The following PRKAR2B variants were observed in gnomAD, a reference collection of about 807,000 sequenced individuals.
The protein encoded by PRKAR2B is protein kinase cAMP-dependent type II regulatory subunit beta, also known as cAMP-dependent protein kinase type II-beta regulatory subunit.
PRKAR2B carries 14 observed loss-of-function variants against 49.9 expected under a neutral mutation model. The ratio of observed to expected loss-of-function variants is 0.28; its 90% CI spans 0.19 to 0.44. The LOEUF (loss-of-function observed/expected upper bound fraction) is 0.44, where lower values mean the gene tolerates loss of function less well. Ranked by LOEUF, PRKAR2B falls within the 20% of genes least tolerant of loss-of-function variation. The pLI, the probability that PRKAR2B is intolerant of heterozygous loss-of-function variation, is 1.00. For missense variants in PRKAR2B, 393 were observed against 537.9 expected (o/e 0.73, Z 2.67); for synonymous variants, 196 against 197.7 (o/e 0.99, Z 0.07).
At position 107,054,982 on chromosome 7, in the gene PRKAR2B, G is replaced by C. The variant is rs1053883358; in HGVS notation, c.307+9768G>C. On this transcript the variant is annotated intron_variant, in intron 1 of 10. Transcript: ENST00000265717. Reference sequence around the variant, plus strand: ...CCCCCATCCCCCAACCCCACAACAGGCCCCAGTGTGTGATGTTCCCCTTCC... The same window carrying C: ...CCCCCATCCCCCAACCCCACAACAGCCCCCAGTGTGTGATGTTCCCCTTCC... Among the ~76,000 whole-genome samples, 79 of 151,990 alleles carry C rather than the reference G, an allele frequency of 5.2e-4. 1 individual carries two copies. Among genetic ancestry groups the C allele is most frequent in the Admixed American group, 3.7e-3 (56 of 15,268 alleles).
intron 2 of PRKAR2B, among the ~76,000 whole-genome samples, chr7:107,087,937 C>A (rs1351217828): frequency 6.6e-6 from 1 of 151,104 alleles, no homozygotes; most frequent in African/African-American, 2.4e-5. Flanking sequence ...TCCTCAGGAA[C>A]CTACAGTCTC....
intron 2 of PRKAR2B, among the ~76,000 whole-genome samples, chr7:107,111,864 C>A (rs1219744027): frequency 6.6e-6 from 1 of 151,772 alleles, no homozygotes; most frequent in African/African-American, 2.4e-5. Flanking sequence ...GTAAAAAAGT[C>A]TATTCTAAAC....
intron 2 of PRKAR2B, among the ~76,000 whole-genome samples, chr7:107,117,313 C>T (rs980423750): frequency 2.6e-5 from 4 of 152,012 alleles, no homozygotes; most frequent in African/African-American, 9.7e-5. Flanking sequence ...TTATTTAATA[C>T]ACCTGTGCTT....
At chr7:107,127,476 C>T (rs538104413) in intron 3 of PRKAR2B, among the ~76,000 whole-genome samples, 12 of 152,244 alleles carry the variant, frequency 7.9e-5, no homozygotes, top group East Asian at 1.9e-4. Context: ...CTTACACACA[C>T]GGCATTCTGC....
intron 2 of PRKAR2B, among the ~76,000 whole-genome samples, chr7:107,085,589 T>C (rs891331324): frequency 6.6e-6 from 1 of 152,212 alleles, no homozygotes; most frequent in Non-Finnish European, 1.5e-5. Flanking sequence ...TCCTAAAAAA[T>C]AGCCATACCT....
intron 3 of PRKAR2B, among the ~76,000 whole-genome samples, chr7:107,122,220 T>C (rs1329255205): frequency 1.3e-5 from 2 of 152,192 alleles, no homozygotes; most frequent in South Asian, 4.1e-4. Context: ...CTTTACAAAA[T>C]GTATCCTGGT....
At chr7:107,128,899 T>C (rs781444836) in intron 4 of PRKAR2B, 11 of 152,064 alleles carry the variant, frequency 7.2e-5, no homozygotes, top group Non-Finnish European at 1.5e-4. Context: ...GTTCAGACTT[T>C]GTCTTGCACT....
chr7:107,160,578 GTTCT>G lies in PRKAR2B; in HGVS notation c.*1002_*1005del, dbSNP rs2115692179. ...TAGACATCTGTTCCCTTGGGTTTCC[GTTCT>G]TTCTTAGGATGGTTGCCAACCCACA... On this transcript the variant is annotated 3_prime_UTR_variant, in exon 11 of 11. Transcript: ENST00000265717. 6.6e-6 allele frequency: 1 copy of G among 152,140 alleles called. No individual in the cohort carries two copies. The highest frequency in any genetic ancestry group is 6.5e-5 in the Admixed American group (1 of 15,284). The allele number at this position is 152,140 out of a possible 1,614,324, so 9.4% of individuals were successfully genotyped here.
chr7:107,152,827 T>G (rs1336161526), intron 7 of PRKAR2B, among the ~76,000 whole-genome samples: 2 of 152,140 alleles, frequency 1.3e-5, no homozygotes, highest in African/African-American at 4.8e-5. Context: ...ATCTGGTGCC[T>G]TCAGAGCTAG....
chr7:107,098,973 C>A (rs1469615993), intron 2 of PRKAR2B, among the ~76,000 whole-genome samples: 2 of 152,208 alleles, frequency 1.3e-5, no homozygotes, highest in African/African-American at 4.8e-5. Flanking sequence ...CAGGGACCCA[C>A]TTGAGGAGGC....
At chr7:107,104,016 TG>T (rs1795023754) in intron 2 of PRKAR2B, among the ~76,000 whole-genome samples, 1 of 150,886 alleles carries the variant, frequency 6.6e-6, no homozygotes, top group African/African-American at 2.4e-5. Flanking sequence ...TTCCCCACAA[TG>T]TTTTTTTCTT....
intron 3 of PRKAR2B, among the ~76,000 whole-genome samples, chr7:107,127,319 G>C (rs904444339): frequency 6.6e-6 from 1 of 151,994 alleles, no homozygotes; most frequent in South Asian, 2.1e-4. Flanking sequence ...AACCAACTCC[G>C]TGTCTGCTGC....
intron 1 of PRKAR2B, among the ~76,000 whole-genome samples, chr7:107,051,066 G>C (rs1194478548): frequency 1.3e-5 from 2 of 152,206 alleles, no homozygotes; most frequent in African/African-American, 4.8e-5. Context: ...TTTGTTAATA[G>C]ATGGGGCAGG....
intron 2 of PRKAR2B, among the ~76,000 whole-genome samples, chr7:107,119,096 C>G (rs985304390): frequency 6.6e-6 from 1 of 152,116 alleles, no homozygotes; most frequent in Admixed American, 6.5e-5. Flanking sequence ...ATAGTAGATT[C>G]TTACTCCAGA....
chr7:107,085,223 G>T lies in PRKAR2B; in HGVS notation c.343+14907G>T, dbSNP rs534790091. On this transcript the variant is annotated intron_variant, in intron 2 of 10. Coordinates refer to ENST00000265717, the MANE Select transcript of PRKAR2B (RefSeq NM_002736.3). ...GAGGGAGGAATATACAAGGGAGGTG[G>T]GCATGGATGGAGTGAAGAGTGGAAG... 1.4e-4 allele frequency among the ~76,000 whole-genome samples: 21 copies of T among 152,116 alleles called. 1 individual carries two copies. The South Asian group carries it at 4.4e-3, about 32-fold the overall frequency.
intron 2 of PRKAR2B, among the ~76,000 whole-genome samples, chr7:107,097,850 T>G (rs1794876582): frequency 6.6e-6 from 1 of 152,362 alleles, no homozygotes; most frequent in African/African-American, 2.4e-5. Context: ...CATTCTCTTC[T>G]GGCTTGTAGA....
At chr7:107,080,813 C>T (rs557538876) in intron 2 of PRKAR2B, among the ~76,000 whole-genome samples, 41 of 152,196 alleles carry the variant, frequency 2.7e-4, no homozygotes, top group Admixed American at 1.1e-3. Context: ...ATTTAACAGT[C>T]AAATATTCAA....
chr7:107,099,778 G>T (rs1272029739), intron 2 of PRKAR2B, among the ~76,000 whole-genome samples: 1 of 151,892 alleles, frequency 6.6e-6, no homozygotes, highest in Non-Finnish European at 1.5e-5. Context: ...GGGACTACAG[G>T]CCCCCACCAC....
intron 8 of PRKAR2B, among the ~76,000 whole-genome samples, chr7:107,155,162 A>T (rs935754685): frequency 6.6e-6 from 1 of 152,186 alleles, no homozygotes; most frequent in Non-Finnish European, 1.5e-5. Context: ...ATTTCCAACT[A>T]TGTATGCTGT....
Sources: allele counts gnomAD v4.1 joint callset (sites outside exome capture counted in the v4.1 genomes callset), GRCh38; gene constraint gnomAD v4.1.1; transcripts MANE v1.5; gene names NCBI Gene and HGNC (gene_info 2026-07-23, HGNC 2026-07-21).